Variants in SIM2 observed in about 807,000 individuals in gnomAD.
The protein encoded by SIM2 is SIM bHLH transcription factor 2.
SIM2 carries 28 observed loss-of-function variants against 64.8 expected under a neutral mutation model. The ratio of observed to expected loss-of-function variants is 0.43; its 90% CI spans 0.32 to 0.59. The LOEUF (loss-of-function observed/expected upper bound fraction) is 0.59. Among genes scored for constraint, SIM2 ranks in the 20% least tolerant of loss-of-function variants. The pLI is 0.07. For synonymous variants in SIM2, 408 were observed against 391.1 expected, an observed-to-expected ratio of 1.04 and a Z score of -0.51; for missense variants, 847 against 871.4, an observed-to-expected ratio of 0.97 and a Z score of 0.35.
intron 7 of SIM2, among the ~76,000 whole-genome samples, chr21:36,735,455 C>T (rs906361776): frequency 8.5e-5 from 13 of 152,226 alleles, no homozygotes; most frequent in Admixed American, 6.5e-5. Context: ...TCTGGGGGTC[C>T]CTGTTGGCTG....
At chr21:36,713,003 A>G (rs2088697510) in intron 3 of SIM2, among the ~76,000 whole-genome samples, 1 of 152,240 alleles carries the variant, frequency 6.6e-6, no homozygotes, top group African/African-American at 2.4e-5. Flanking sequence ...ATGAGTTGCT[A>G]TAAAGCAAGA....
At chr21:36,723,408 T>A (rs1404130265) in intron 5 of SIM2, among the ~76,000 whole-genome samples, 2 of 152,100 alleles carry the variant, frequency 1.3e-5, no homozygotes, top group East Asian at 3.9e-4. Context: ...TGTGGACCAG[T>A]CCCAGTGGAG....
chr21:36,735,509 A>G (rs1259353164), intron 7 of SIM2, among the ~76,000 whole-genome samples: 1 of 152,082 alleles, frequency 6.6e-6, no homozygotes, highest in Non-Finnish European at 1.5e-5. Context: ...GTGAGGGCTG[A>G]GGGAAGCCCA....
intron 5 of SIM2, among the ~76,000 whole-genome samples, chr21:36,724,987 G>GA (rs1442370402): frequency 1.3e-5 from 2 of 152,202 alleles, no homozygotes; most frequent in African/African-American, 4.8e-5. Context: ...TTATTATTAT[G>GA]AGGAAATAAA....
intron 3 of SIM2, among the ~76,000 whole-genome samples, chr21:36,716,949 A>G (rs1341282244): frequency 6.6e-6 from 1 of 152,048 alleles, no homozygotes; most frequent in African/African-American, 2.4e-5. Context: ...CATGTCAACC[A>G]TAATTTTGAC....
chr21:36,745,491 G>C lies in SIM2; in HGVS notation c.1576+355G>C. On this transcript the variant is annotated intron_variant, in intron 10 of 10. Transcript: ENST00000290399. This position sits in a 1 kb window ranked among gnomAD's most constrained non-coding sequence, Gnocchi z 4.8. ...AGAACACCCCAGCTGCATTTCTTTT[G>C]CAAGATTCCTTTCCACTCCAACCAG... The C allele has an allele frequency of 1.7e-6, 2 of 1,158,666 alleles. No individual in the cohort carries two copies. Among genetic ancestry groups the C allele is most frequent in the East Asian group, 5.6e-5 (1 of 17,992 alleles). The allele number at this position is 1,158,666 out of a possible 1,614,324, so 71.8% of individuals were successfully genotyped here. A position where few individuals can be genotyped will look rare whatever the true frequency, so the allele number is the denominator to read the frequency against.
chr21:36,745,544 T>C lies in SIM2; in HGVS notation c.1576+408T>C, dbSNP rs893046337. 7 of 1,118,662 alleles carry C rather than the reference T, an allele frequency of 6.3e-6. No individual in the cohort carries two copies. In the Admixed American group the frequency reaches 1.6e-4, roughly 25 times the overall value. 69.3% of individuals were successfully genotyped at this position (1,118,662 alleles called of 1,614,324 possible). ...GTGAATATTTGAGACAAACGGCCTA[T>C]TGGCTATTTTCCCATGCCAGTTTTG... is the stretch of plus-strand genomic sequence containing the variant. On this transcript the variant is annotated intron_variant, in intron 10 of 10. Transcript: ENST00000290399. The surrounding 1 kb of genome is among the most constrained non-coding windows in gnomAD (Gnocchi z 4.8).
rs756744287 is a variant in SIM2, at chr21:36,745,015, C to T, written c.1455C>T (p.Ala485=). 1.9e-6 allele frequency: 3 copies of T among 1,614,230 alleles called. No homozygotes were observed. Among genetic ancestry groups the T allele is most frequent in the Non-Finnish European group, 2.5e-6 (3 of 1,180,024 alleles). Reference sequence around the variant, plus strand: ...GCTTTTTCCTGAGCACACTGCCAGCCAGCGGTGAATGCCAGTGGCATTATG... The same window carrying T: ...GCTTTTTCCTGAGCACACTGCCAGCTAGCGGTGAATGCCAGTGGCATTATG... The part of the protein sequence containing the change: ...VARFFLSTLP[A]SGECQWHYAN... The change falls in exon 10 of 11, where the codon GCC becomes GCT. Residue 485 remains alanine, a synonymous_variant. Coordinates refer to ENST00000290399, the MANE Select transcript of SIM2 (RefSeq NM_005069.6). This position sits in a 1 kb window ranked among gnomAD's most constrained non-coding sequence, Gnocchi z 4.8.
intron 7 of SIM2, 53 bp downstream of exon 7, chr21:36,731,204 G>A (rs2088964161): frequency 9.7e-6 from 13 of 1,336,216 alleles, no homozygotes; most frequent in East Asian, 4.6e-5. Context: ...GGGAGGAGGC[G>A]CTGAGGACAG....
chr21:36,740,013 A>AAG (rs1461931085), intron 7 of SIM2, among the ~76,000 whole-genome samples: 1 of 21,626 alleles, frequency 4.6e-5, no homozygotes, highest in Non-Finnish European at 4.8e-4. Context: ...GAAAGAGAGA[A>AAG]AGAAAGAAAG....
intron 3 of SIM2, among the ~76,000 whole-genome samples, chr21:36,718,483 C>T (rs1190428664): frequency 6.6e-5 from 10 of 152,156 alleles, no homozygotes; most frequent in African/African-American, 9.7e-5. Context: ...GGGGGTGGCT[C>T]GGGACAAGAC....
intron 3 of SIM2, 144 bp from the exon 4 acceptor site, chr21:36,719,677 T>C: frequency 1.6e-6 from 1 of 622,708 alleles, no homozygotes. Context: ...GAAAACTGTT[T>C]CTGCGTTTGG....
At chr21:36,742,677 T>TG (rs1325805502) in intron 8 of SIM2, among the ~76,000 whole-genome samples, 2 of 152,162 alleles carry the variant, frequency 1.3e-5, no homozygotes, top group Non-Finnish European at 2.9e-5. Flanking sequence ...CTGTGACCCT[T>TG]GCCATGCCGC....
intron 1 of SIM2, chr21:36,701,703 C>T (rs1189870616): frequency 1.3e-5 from 2 of 152,316 alleles, no homozygotes; most frequent in African/African-American, 4.8e-5. Flanking sequence ...GCTACTTGTC[C>T]GCTCAATGGT....
At position 36,747,752 on chromosome 21, in the gene SIM2, T is replaced by C; in HGVS notation, c.1664T>C (p.Leu555Pro). Residue 555 changes from leucine (L) to proline (P), a missense_variant, in exon 11 of 11, where the codon CTG (leucine) becomes CCG (proline). Leu to Pro is a moderately conservative substitution (Grantham distance 98, BLOSUM62 -3). Transcript: ENST00000290399. The surrounding 1 kb of genome is among the most constrained non-coding windows in gnomAD (Gnocchi z 4.5). ...GGCCACTACCGCGAGGAGCCCGCGC[T>C]GGGCCCGGCCAAAGCCGCCCGCCAG... ...SCGHYREEPA[L>P]GPAKAARQAA... The C allele has an allele frequency of 8.4e-7, 1 of 1,193,070 alleles. No individual in the cohort carries two copies. 73.9% of individuals were successfully genotyped at this position (1,193,070 alleles called of 1,614,324 possible). A position where few individuals can be genotyped will look rare whatever the true frequency, so the allele number is the denominator to read the frequency against.
intron 5 of SIM2, among the ~76,000 whole-genome samples, chr21:36,725,014 A>G (rs1392648990): frequency 1.3e-5 from 2 of 152,198 alleles, no homozygotes; most frequent in Middle Eastern, 3.2e-3. Flanking sequence ...AATTATAAAT[A>G]AAGGAAATAA....
chr21:36,723,194 C>A, intron 5 of SIM2, 64 bp downstream of exon 5: 1 of 1,369,500 alleles, frequency 7.3e-7, no homozygotes, highest in Non-Finnish European at 1.0e-6. Flanking sequence ...TTTTCAAGAG[C>A]GTCTGCAGAA....
In SIM2 at chr21:36,745,935, C is replaced by G; in HGVS notation, c.1576+799C>G. 2 of 1,256,882 alleles carry G rather than the reference C, an allele frequency of 1.6e-6. No homozygotes were observed. Among genetic ancestry groups the G allele is most frequent in the Non-Finnish European group, 2.1e-6 (2 of 961,470 alleles). 77.9% of individuals were successfully genotyped at this position (1,256,882 alleles called of 1,614,324 possible). On this transcript the variant is annotated intron_variant, in intron 10 of 10. Coordinates refer to ENST00000290399, the MANE Select transcript of SIM2 (RefSeq NM_005069.6). This position sits in a 1 kb window ranked among gnomAD's most constrained non-coding sequence, Gnocchi z 4.8. ...TGCAGGACATGTATTCCCATTGCAC[C>G]GAGACCTAACTGCCGCTCAGAGTGT... is the stretch of plus-strand genomic sequence containing the variant.
chr21:36,711,439 G>A (rs6517377), intron 2 of SIM2, among the ~76,000 whole-genome samples: 4,728 of 152,264 alleles, frequency 0.031, 246 homozygotes, highest in African/African-American at 0.11. Context: ...ATCGGGGAAG[G>A]TAATGATAGT....
Sources: gnomAD v4.1 joint callset for allele counts (sites outside exome capture counted in the v4.1 genomes callset) on GRCh38, gnomAD v4.1.1 for gene constraint, Gnocchi (gnomAD v3.1) non-coding constraint, MANE v1.5 for transcripts, NCBI Gene and HGNC (gene_info 2026-07-23, HGNC 2026-07-21) for gene names.